Variants in FAM149B1 observed in about 807,000 individuals in gnomAD.
FAM149B1 encodes primary cilium assembly protein FAM149B1.
A neutral mutation model predicts 75.3 loss-of-function variants in FAM149B1; 56 were observed. The observed-to-expected ratio is 0.74, with a 90% CI of 0.60 to 0.93. FAM149B1 has a LOEUF of 0.93. Among genes scored for constraint, FAM149B1 ranks in the 40% least tolerant of loss-of-function variants. FAM149B1 has a pLI of 0.00. For synonymous variants in FAM149B1, 259 were observed against 256.1 expected (o/e 1.01, Z -0.11); for missense variants, 639 against 708.4 (o/e 0.90, Z 1.11).
At chr10:73,176,656 C>T (rs1843977322) in intron 2 of FAM149B1, among the ~76,000 whole-genome samples, 1 of 152,058 alleles carries the variant, frequency 6.6e-6, no homozygotes, top group Non-Finnish European at 1.5e-5. Flanking sequence ...GAGCCCAAGA[C>T]AGGTGGATCA....
chr10:73,168,432 C>A, intron 1 of FAM149B1, 46 bp downstream of exon 1: 1 of 1,546,160 alleles, frequency 6.5e-7, no homozygotes, highest in Admixed American at 2.0e-5. Context: ...GCGGCGGGCG[C>A]TCTGGGGACC....
At chr10:73,229,714 G>T (rs1285561504) in intron 8 of FAM149B1, among the ~76,000 whole-genome samples, 1 of 152,202 alleles carries the variant, frequency 6.6e-6, no homozygotes, top group African/African-American at 2.4e-5. Context: ...CCTAAGCCCT[G>T]AATAGTTAGA....
At chr10:73,227,956 C>A in intron 7 of FAM149B1, 104 bp from the exon 8 acceptor site, 2 of 1,186,048 alleles carry the variant, frequency 1.7e-6, no homozygotes, top group Non-Finnish European at 1.2e-6. Flanking sequence ...ATAAGTGAAG[C>A]CTTGTTTGAG....
At chr10:73,227,086 A>AT (rs2043570128) in intron 7 of FAM149B1, among the ~76,000 whole-genome samples, 1 of 152,056 alleles carries the variant, frequency 6.6e-6, no homozygotes, top group Non-Finnish European at 1.5e-5. Context: ...AAAAATATTT[A>AT]TTTTTTATTT....
intron 3 of FAM149B1, among the ~76,000 whole-genome samples, chr10:73,178,622 T>C (rs889577187): frequency 6.6e-6 from 1 of 152,228 alleles, no homozygotes; most frequent in African/African-American, 2.4e-5. Context: ...AAAATGTTTT[T>C]GAAAGTTTAT....
intron 3 of FAM149B1, among the ~76,000 whole-genome samples, chr10:73,190,260 C>A (rs2042648193): frequency 6.7e-6 from 1 of 148,842 alleles, no homozygotes. Flanking sequence ...TTTTTTTAGA[C>A]CCGAAGAAAG....
intron 3 of FAM149B1, among the ~76,000 whole-genome samples, chr10:73,184,575 T>G (rs2042474126): frequency 6.6e-6 from 1 of 152,198 alleles, no homozygotes. Flanking sequence ...TTATACAAGG[T>G]ATGTTCTCCA....
At chr10:73,188,233 A>AT (rs1428379165) in intron 3 of FAM149B1, among the ~76,000 whole-genome samples, 4 of 152,094 alleles carry the variant, frequency 2.6e-5, no homozygotes, top group Admixed American at 6.5e-5. Context: ...TAGAAAAAGG[A>AT]TTTTTTTTCC....
chr10:73,199,460 A>C (rs908824345), intron 5 of FAM149B1, among the ~76,000 whole-genome samples: 2 of 151,692 alleles, frequency 1.3e-5, no homozygotes, highest in Non-Finnish European at 2.9e-5. Context: ...CTCATGGTCC[A>C]CCCTCCTCAG....
intron 3 of FAM149B1, among the ~76,000 whole-genome samples, chr10:73,179,579 ATT>A (rs1438612892): frequency 7.3e-6 from 1 of 136,720 alleles, no homozygotes; most frequent in Admixed American, 7.4e-5. Flanking sequence ...ACACCCTGCT[ATT>A]TTTTTTTTTT....
chr10:73,210,358 A>G lies in FAM149B1; in HGVS notation c.818A>G (p.Tyr273Cys). The G allele has an allele frequency of 1.3e-6, 2 of 1,551,600 alleles. No homozygotes were observed. The highest frequency in any genetic ancestry group is 1.7e-6 in the Non-Finnish European group (2 of 1,146,856). ...FYCMKEDVLA[Y>C]VFDSVWCKVV... Reference sequence around the variant, plus strand: ...TGCATGAAAGAAGATGTCCTTGCTTATGTGTTTGACAGTGTATGGTGCAAG... The same window carrying G: ...TGCATGAAAGAAGATGTCCTTGCTTGTGTGTTTGACAGTGTATGGTGCAAG... The change falls in exon 7 of 14, where the codon TAT (tyrosine) becomes TGT (cysteine). Residue 273 changes from tyrosine (Y) to cysteine (C), a missense_variant. Transcript: ENST00000242505.
intron 3 of FAM149B1, among the ~76,000 whole-genome samples, chr10:73,185,609 T>C (rs1380838384): frequency 6.6e-6 from 1 of 152,186 alleles, no homozygotes; most frequent in Non-Finnish European, 1.5e-5. Context: ...TAGTAAACTC[T>C]ATCAAATATT....
At chr10:73,178,006 G>T in intron 3 of FAM149B1, 31 bp downstream of exon 3, 1 of 1,512,690 alleles carries the variant, frequency 6.6e-7, no homozygotes, top group Non-Finnish European at 8.8e-7. Flanking sequence ...CTGATAGAGT[G>T]CTTGGGAGAT....
chr10:73,191,033 G>A (rs1371982821), intron 3 of FAM149B1, among the ~76,000 whole-genome samples: 1 of 151,968 alleles, frequency 6.6e-6, no homozygotes, highest in African/African-American at 2.4e-5. Flanking sequence ...GACTATTCTG[G>A]TTTTTGGCTT....
intron 3 of FAM149B1, among the ~76,000 whole-genome samples, chr10:73,184,448 A>T (rs979341831): frequency 1.3e-5 from 2 of 152,172 alleles, no homozygotes; most frequent in African/African-American, 4.8e-5. Context: ...AGGATATTAA[A>T]CACCTGAACA....
chr10:73,208,098 A>T (rs910028363), intron 5 of FAM149B1, among the ~76,000 whole-genome samples: 2 of 152,210 alleles, frequency 1.3e-5, no homozygotes, highest in African/African-American at 4.8e-5. Context: ...TGTTTGGGTC[A>T]TGGGGGAGGA....
At chr10:73,214,234 C>T (rs1208906676) in intron 7 of FAM149B1, among the ~76,000 whole-genome samples, 2 of 152,082 alleles carry the variant, frequency 1.3e-5, no homozygotes, top group East Asian at 3.9e-4. Flanking sequence ...TCAGGTTTTC[C>T]AGATATAAGA....
intron 1 of FAM149B1, among the ~76,000 whole-genome samples, chr10:73,172,171 ATTTC>A (rs1843744878): frequency 6.6e-6 from 1 of 152,094 alleles, no homozygotes; most frequent in Admixed American, 6.5e-5. Flanking sequence ...TTGAATTTGT[ATTTC>A]TTATCCTTTC....
intron 7 of FAM149B1, among the ~76,000 whole-genome samples, chr10:73,215,356 A>G (rs2043274588): frequency 6.6e-6 from 1 of 151,840 alleles, no homozygotes; most frequent in African/African-American, 2.4e-5. Flanking sequence ...GTGTAATGTT[A>G]GGTAGTTGTG....
Sources: allele counts gnomAD v4.1 joint callset (sites outside exome capture counted in the v4.1 genomes callset), GRCh38; gene constraint gnomAD v4.1.1; transcripts MANE v1.5; gene names NCBI Gene and HGNC (gene_info 2026-07-23, HGNC 2026-07-21).